The following CSMD1 variants were observed in gnomAD, a reference collection of about 807,000 sequenced individuals.
The protein encoded by CSMD1 is CUB and Sushi multiple domains 1.
In CSMD1, 213 loss-of-function variants were observed where a neutral mutation model predicts 417.5. The observed-to-expected ratio is 0.51, with a 90% confidence interval of 0.46 to 0.57. The LOEUF (loss-of-function observed/expected upper bound fraction) is 0.57, where lower values mean the gene tolerates loss of function less well. Among genes scored for constraint, CSMD1 ranks in the 20% least tolerant of loss-of-function variants. The pLI, the probability that CSMD1 is intolerant of heterozygous loss-of-function variation, is 0.00. For missense variants in CSMD1, 6,923 were observed against 4,529.7 expected, an observed-to-expected ratio of 1.53 and a Z score of -15.17; for synonymous variants, 2,862 against 1,736.8, an observed-to-expected ratio of 1.65 and a Z score of -16.11.
At chr8:4,390,836 C>A (rs553470329) in intron 3 of CSMD1, among the ~76,000 whole-genome samples, 2 of 152,044 alleles carry the variant, frequency 1.3e-5, no homozygotes, top group Admixed American at 6.6e-5. Flanking sequence ...CCACCATGCC[C>A]GGCCAAAAGT....
At chr8:3,296,864 G>A (rs911168399) in intron 25 of CSMD1, among the ~76,000 whole-genome samples, 5 of 152,186 alleles carry the variant, frequency 3.3e-5, no homozygotes, top group Non-Finnish European at 4.4e-5. Context: ...TTGAGTTTAA[G>A]TTGTCAACTA....
intron 1 of CSMD1, among the ~76,000 whole-genome samples, chr8:4,842,388 C>T (rs1322413521): frequency 2.0e-5 from 3 of 152,132 alleles, no homozygotes; most frequent in Non-Finnish European, 2.9e-5. Flanking sequence ...TTTTATTCCC[C>T]TTTTGCAATC....
intron 46 of CSMD1, among the ~76,000 whole-genome samples, chr8:3,103,493 T>A (rs1029413313): frequency 2.6e-5 from 4 of 151,920 alleles, no homozygotes; most frequent in Non-Finnish European, 5.9e-5. Flanking sequence ...CATTCTCACA[T>A]CTGAACTCAT....
intron 4 of CSMD1, among the ~76,000 whole-genome samples, chr8:4,029,919 C>T (rs1412152240): frequency 6.6e-6 from 1 of 152,098 alleles, no homozygotes; most frequent in African/African-American, 2.4e-5. Flanking sequence ...GTCTACTGGC[C>T]CTATGTAAGT....
intron 12 of CSMD1, among the ~76,000 whole-genome samples, chr8:3,425,324 T>C (rs1813765553): frequency 6.6e-6 from 1 of 151,482 alleles, no homozygotes; most frequent in Admixed American, 6.6e-5. Context: ...GCAAGGTGGC[T>C]CACGCCTGTA....
At chr8:4,248,064 A>C (rs542004486) in intron 3 of CSMD1, among the ~76,000 whole-genome samples, 1 of 152,310 alleles carries the variant, frequency 6.6e-6, no homozygotes, top group East Asian at 1.9e-4. Context: ...AATGAATGGA[A>C]ATTGTTAAGG....
At chr8:4,094,367 G>T (rs923058573) in intron 3 of CSMD1, among the ~76,000 whole-genome samples, 1 of 152,132 alleles carries the variant, frequency 6.6e-6, no homozygotes, top group Non-Finnish European at 1.5e-5. Flanking sequence ...GGTAACAGAG[G>T]AAAGAGTGGG....
intron 3 of CSMD1, among the ~76,000 whole-genome samples, chr8:4,361,268 T>A (rs186207110): frequency 6.6e-6 from 1 of 152,306 alleles, no homozygotes; most frequent in East Asian, 1.9e-4. Context: ...AAAGAAAATA[T>A]TACTACTTAC....
At chr8:3,790,268 A>G (rs910930810) in intron 5 of CSMD1, among the ~76,000 whole-genome samples, 1 of 152,180 alleles carries the variant, frequency 6.6e-6, no homozygotes, top group Non-Finnish European at 1.5e-5. Context: ...ACTGAAACGA[A>G]ATAACAGAAA....
intron 1 of CSMD1, among the ~76,000 whole-genome samples, chr8:4,893,190 T>C (rs894152376): frequency 6.6e-6 from 1 of 152,180 alleles, no homozygotes; most frequent in Non-Finnish European, 1.5e-5. Context: ...ATCAGCTTTA[T>C]TAACTCACTA....
At chr8:4,695,480 A>G (rs1807069057) in intron 1 of CSMD1, among the ~76,000 whole-genome samples, 1 of 152,184 alleles carries the variant, frequency 6.6e-6, no homozygotes, top group Non-Finnish European at 1.5e-5. Context: ...CCTCTCCTTT[A>G]TGATTTATCT....
chr8:4,734,395 T>A (rs959391603), intron 1 of CSMD1, among the ~76,000 whole-genome samples: 11 of 152,180 alleles, frequency 7.2e-5, no homozygotes, highest in African/African-American at 2.7e-4. Context: ...TTTGTGCAAT[T>A]TTTCTTTTGT....
intron 26 of CSMD1, among the ~76,000 whole-genome samples, chr8:3,271,716 CA>C (rs1418438262): frequency 6.6e-6 from 1 of 152,142 alleles, no homozygotes. Flanking sequence ...TTTTTGGCTG[CA>C]TAAATGTCTT....
intron 12 of CSMD1, among the ~76,000 whole-genome samples, chr8:3,438,073 A>T (rs560615297): frequency 1.3e-5 from 2 of 152,354 alleles, no homozygotes; most frequent in African/African-American, 4.8e-5. Context: ...GAATTTACCC[A>T]GTAGAAAAGC....
chr8:3,210,890 T>A (rs1797564940), intron 30 of CSMD1, among the ~76,000 whole-genome samples: 1 of 152,258 alleles, frequency 6.6e-6, no homozygotes, highest in African/African-American at 2.4e-5. Flanking sequence ...ACAGAATTCA[T>A]GACCTTTCCT....
In CSMD1 at chr8:2,965,884, C is replaced by A; in HGVS notation, c.9171G>T (p.Lys3057Asn). Residue 3057 changes from lysine (K) to asparagine (N), a missense_variant, in exon 59 of 70, where the codon AAG (lysine) becomes AAT (asparagine). By Grantham distance (94) the Lys-to-Asn change is moderately conservative. Transcript: ENST00000635120. ...CTGGGTTACACTGATAGCTCACAGT[C>A]TTGTTGAAGGTGAAGTCGGTCCCAA... ...IQFGTDFTFN[K>N]TVSYQCNPGY... 1 of 1,610,622 alleles carries A rather than the reference C, an allele frequency of 6.2e-7. No homozygotes were observed. The highest frequency in any genetic ancestry group is 8.5e-7 in the Non-Finnish European group (1 of 1,178,440).
intron 2 of CSMD1, among the ~76,000 whole-genome samples, chr8:4,508,199 G>C (rs576237092): frequency 6.8e-6 from 1 of 146,952 alleles, no homozygotes; most frequent in Admixed American, 6.8e-5. Context: ...GTCATTTTAA[G>C]CATCTCCCTG....
At chr8:3,698,420 C>T (rs1271985995) in intron 7 of CSMD1, among the ~76,000 whole-genome samples, 1 of 152,132 alleles carries the variant, frequency 6.6e-6, no homozygotes. Context: ...TTTTATTAAG[C>T]CTTTATACTA....
chr8:4,157,464 A>ACTTC (rs1232998937), intron 3 of CSMD1, among the ~76,000 whole-genome samples: 4 of 149,528 alleles, frequency 2.7e-5, no homozygotes, highest in Admixed American at 6.7e-5. Context: ...TCCCTCCTTC[A>ACTTC]CTTCCTTCCT....
Sources: gnomAD v4.1 joint callset for allele counts (sites outside exome capture counted in the v4.1 genomes callset) on GRCh38, gnomAD v4.1.1 for gene constraint, MANE v1.5 for transcripts, NCBI Gene and HGNC (gene_info 2026-07-23, HGNC 2026-07-21) for gene names.